The following PLPPR4 variants were observed in gnomAD, a reference collection of about 807,000 sequenced individuals.
PLPPR4 encodes phospholipid phosphatase related 4.
In PLPPR4, 24 loss-of-function variants were observed where a neutral mutation model predicts 56.6. That is an observed-to-expected ratio of 0.42 (90% CI 0.31 to 0.60). The LOEUF is 0.60. Among genes scored for constraint, PLPPR4 ranks in the 20% least tolerant of loss-of-function variants. PLPPR4 has a pLI of 0.13. For missense variants in PLPPR4, 654 were observed against 885.8 expected (o/e 0.74, Z 3.32); for synonymous variants, 326 against 328.1 (o/e 0.99, Z 0.07).
chr1:99,303,888 T>A (rs894153180), intron 6 of PLPPR4, among the ~76,000 whole-genome samples: 8 of 152,092 alleles, frequency 5.3e-5, no homozygotes, highest in African/African-American at 1.9e-4. Flanking sequence ...GCAGAAGAAA[T>A]AAAGGAGACT....
At chr1:99,269,384 ATATG>A (rs752523783) in intron 1 of PLPPR4, among the ~76,000 whole-genome samples, 1 of 152,268 alleles carries the variant, frequency 6.6e-6, no homozygotes, top group Admixed American at 6.5e-5. Flanking sequence ...TGCAATAAAC[ATATG>A]TGTATATGTG....
Position 99,306,108 on chromosome 1 carries a change from G to C in PLPPR4, c.1246G>C (p.Val416Leu). The change falls in exon 7 of 7, where the codon GTT becomes CTT. Residue 416 changes from valine to leucine, a missense_variant. Val to Leu is a conservative substitution (Grantham distance 32). Transcript: ENST00000370185. The surrounding 1 kb of genome is among the most constrained non-coding windows in gnomAD (Gnocchi z 4.0). Reference sequence around the variant, plus strand: ...TGAAAGTCGAAAGTTGTCCTTGCAAGTTATAGAGCCTGAGCCTGGGCAGTC... The same window carrying C: ...TGAAAGTCGAAAGTTGTCCTTGCAACTTATAGAGCCTGAGCCTGGGCAGTC... ...KNESRKLSLQVIEPEPGQSPP... is the reference protein window; with the variant it reads ...KNESRKLSLQLIEPEPGQSPP... 6.2e-7 allele frequency: 1 copy of C among 1,614,146 alleles called. No homozygotes were observed. Among genetic ancestry groups the C allele is most frequent in the Non-Finnish European group, 8.5e-7 (1 of 1,180,024 alleles).
intron 1 of PLPPR4, among the ~76,000 whole-genome samples, chr1:99,276,783 A>T (rs140783122): frequency 1.3e-5 from 2 of 152,296 alleles, no homozygotes; most frequent in African/African-American, 4.8e-5. Flanking sequence ...TCTTTTTTAC[A>T]TTATCAGCTA....
intron 1 of PLPPR4, among the ~76,000 whole-genome samples, chr1:99,265,564 G>A (rs1490337601): frequency 6.6e-6 from 1 of 152,146 alleles, no homozygotes; most frequent in African/African-American, 2.4e-5. Flanking sequence ...GATACTGAAG[G>A]GTTGTATTGC....
At chr1:99,278,656 T>C (rs1659250787) in intron 1 of PLPPR4, among the ~76,000 whole-genome samples, 1 of 152,330 alleles carries the variant, frequency 6.6e-6, no homozygotes, top group African/African-American at 2.4e-5. Flanking sequence ...AAATTTTCAC[T>C]ACCTGAGGTT....
intron 1 of PLPPR4, among the ~76,000 whole-genome samples, chr1:99,272,826 T>C (rs72978832): frequency 6.6e-6 from 1 of 152,246 alleles, no homozygotes; most frequent in African/African-American, 2.4e-5. Flanking sequence ...TTTTCATACA[T>C]TATCTCATCT....
At chr1:99,294,424 G>A (rs1659692583) in intron 2 of PLPPR4, among the ~76,000 whole-genome samples, 1 of 142,636 alleles carries the variant, frequency 7.0e-6, no homozygotes, top group Non-Finnish European at 1.5e-5. Context: ...GGCCGGGCGC[G>A]ATGGCTCATG....
chr1:99,301,795 C>A lies in PLPPR4; in HGVS notation c.720C>A (p.Ile240=), dbSNP rs942039822. 2.5e-6 allele frequency: 4 copies of A among 1,612,506 alleles called. No individual in the cohort carries two copies. The highest frequency in any genetic ancestry group is 3.4e-6 in the Non-Finnish European group (4 of 1,178,830). The change falls in exon 6 of 7, where the codon ATC becomes ATA. Residue 240 remains isoleucine, a synonymous_variant. Coordinates refer to ENST00000370185, the MANE Select transcript of PLPPR4 (RefSeq NM_014839.5). ...CTCTCTTGGTCTTCACATTTATCATCTGTGGAATAATCTGCGGGCTAACAC... is the reference window on the plus strand; with the variant it reads ...CTCTCTTGGTCTTCACATTTATCATATGTGGAATAATCTGCGGGCTAACAC... ...LKPLLVFTFI[I]CGIICGLTRI... is the part of the protein sequence containing the mutation.
intron 1 of PLPPR4, among the ~76,000 whole-genome samples, chr1:99,267,252 G>A (rs1658922556): frequency 6.6e-6 from 1 of 152,216 alleles, no homozygotes; most frequent in African/African-American, 2.4e-5. Flanking sequence ...TGATAGGTAT[G>A]AGATGTGAAG....
At chr1:99,264,443 G>A (rs1231062658), upstream of PLPPR4, 2 of 1,477,474 alleles carry the variant, frequency 1.4e-6, no homozygotes, top group South Asian at 1.4e-5. Context: ...GAAGGCGGGG[G>A]CGCTGCATGC....
intron 5 of PLPPR4, 47 bp from the exon 6 acceptor site, chr1:99,301,677 T>G: frequency 1.5e-6 from 2 of 1,341,108 alleles, no homozygotes; most frequent in Non-Finnish European, 2.1e-6. Context: ...AATTTACTAA[T>G]AAAATGGCCT....
chr1:99,281,740 T>G (rs1659331874), intron 1 of PLPPR4, among the ~76,000 whole-genome samples: 1 of 152,140 alleles, frequency 6.6e-6, no homozygotes, highest in South Asian at 2.1e-4. Flanking sequence ...TTTTTCCCAG[T>G]TTTAATTGAA....
chr1:99,284,047 A>T (rs1351861563), intron 1 of PLPPR4, among the ~76,000 whole-genome samples: 2 of 152,224 alleles, frequency 1.3e-5, no homozygotes, highest in Non-Finnish European at 1.5e-5. Context: ...TTGGCTATGT[A>T]GACTTTTAAA....
In PLPPR4 at chr1:99,309,323, C is replaced by T. The variant is rs1408417846; in HGVS notation, c.*2313C>T. ...ATCTTATTTGCTAATGGGAGCACTT[C>T]TTCCTTTGTTAGGCTGTGCTTTACT... On this transcript the variant is annotated 3_prime_UTR_variant, in exon 7 of 7. Coordinates refer to ENST00000370185, the MANE Select transcript of PLPPR4 (RefSeq NM_014839.5). The T allele has an allele frequency of 6.6e-6, 1 of 152,410 alleles. No individual in the cohort carries two copies. 9.4% of individuals were successfully genotyped at this position (152,410 alleles called of 1,614,324 possible). A position where few individuals can be genotyped will look rare whatever the true frequency, so the allele number is the denominator to read the frequency against.
intron 2 of PLPPR4, among the ~76,000 whole-genome samples, chr1:99,288,876 C>A (rs1231318322): frequency 6.6e-6 from 1 of 151,610 alleles, no homozygotes; most frequent in Non-Finnish European, 1.5e-5. Flanking sequence ...TCAGCTATAC[C>A]CTGAAAAGAT....
At chr1:99,304,533 A>G (rs1659968046) in intron 6 of PLPPR4, among the ~76,000 whole-genome samples, 1 of 152,188 alleles carries the variant, frequency 6.6e-6, no homozygotes, top group African/African-American at 2.4e-5. Context: ...TTATTAATAG[A>G]ACATGAGTTA....
chr1:99,301,059 A>G (rs1659872729), intron 5 of PLPPR4, 93 bp downstream of exon 5: 1 of 1,090,826 alleles, frequency 9.2e-7, no homozygotes, highest in Non-Finnish European at 1.4e-6. Context: ...TGATATAACC[A>G]TGTAATAACA....
chr1:99,297,032 G>A (rs968515391), intron 3 of PLPPR4, among the ~76,000 whole-genome samples, 165 bp downstream of exon 3: 1 of 152,116 alleles, frequency 6.6e-6, no homozygotes, highest in African/African-American at 2.4e-5. Flanking sequence ...CAAAATTTGG[G>A]TTTTGTATCT....
intron 1 of PLPPR4, among the ~76,000 whole-genome samples, chr1:99,273,631 T>C (rs955157351): frequency 6.6e-6 from 1 of 152,082 alleles, no homozygotes; most frequent in South Asian, 2.1e-4. Context: ...GTATAACCTG[T>C]TTTGTACTCT....
Sources: allele counts gnomAD v4.1 joint callset (sites outside exome capture counted in the v4.1 genomes callset), GRCh38; gene constraint gnomAD v4.1.1; non-coding constraint Gnocchi (gnomAD v3.1); transcripts MANE v1.5; gene names NCBI Gene and HGNC (gene_info 2026-07-23, HGNC 2026-07-21).